Variants in ERBB4 observed in about 807,000 individuals in gnomAD.
The protein encoded by ERBB4 is erb-b2 receptor tyrosine kinase 4.
ERBB4 carries 42 observed loss-of-function variants against 158.0 expected under a neutral mutation model. The observed-to-expected ratio is 0.27, with a 90% confidence interval of 0.21 to 0.34. The LOEUF is 0.34. Among genes scored for constraint, ERBB4 ranks in the 10% least tolerant of loss-of-function variants. ERBB4 has a pLI of 1.00. For missense variants in ERBB4, 1,333 were observed against 1,624.1 expected, an observed-to-expected ratio of 0.82 and a Z score of 3.08; for synonymous variants, 583 against 558.7, an observed-to-expected ratio of 1.04 and a Z score of -0.61.
At chr2:212,280,831 C>G (rs1363899319) in intron 1 of ERBB4, among the ~76,000 whole-genome samples, 1 of 151,560 alleles carries the variant, frequency 6.6e-6, no homozygotes, top group African/African-American at 2.4e-5. Context: ...CAGGAGGACC[C>G]TAGAGATGTT....
intron 11 of ERBB4, among the ~76,000 whole-genome samples, chr2:211,703,687 C>T (rs2106043044): frequency 6.6e-6 from 1 of 152,200 alleles, no homozygotes; most frequent in East Asian, 1.9e-4. Context: ...AAAACATCAG[C>T]CCTGTGACGT....
intron 3 of ERBB4, among the ~76,000 whole-genome samples, chr2:211,860,902 A>T (rs2077993007): frequency 7.3e-6 from 1 of 137,638 alleles, no homozygotes. Context: ...CAACTCAAAA[A>T]GAATTAGGAA....
chr2:212,516,820 T>C (rs946168231), intron 1 of ERBB4, among the ~76,000 whole-genome samples: 1 of 152,144 alleles, frequency 6.6e-6, no homozygotes, highest in Non-Finnish European at 1.5e-5. Flanking sequence ...TCTTGGTCTT[T>C]GTCTTTGTAC....
chr2:212,438,110 C>G (rs1435798882), intron 1 of ERBB4, among the ~76,000 whole-genome samples: 2 of 151,844 alleles, frequency 1.3e-5, no homozygotes, highest in Non-Finnish European at 2.9e-5. Flanking sequence ...TGTTTCTAGA[C>G]TAGTGCTCAT....
chr2:211,509,057 A>G (rs2065824520), intron 20 of ERBB4, among the ~76,000 whole-genome samples: 1 of 152,172 alleles, frequency 6.6e-6, no homozygotes, highest in African/African-American at 2.4e-5. Flanking sequence ...GCTGGAAGCC[A>G]TCACTCTCAG....
At chr2:211,386,131 C>T (rs138379406) in intron 27 of ERBB4, among the ~76,000 whole-genome samples, 54 of 152,264 alleles carry the variant, frequency 3.5e-4, no homozygotes, top group African/African-American at 1.3e-3. Context: ...TAACAATCAT[C>T]TATCTTCTCT....
At chr2:212,408,894 T>G (rs984108174) in intron 1 of ERBB4, among the ~76,000 whole-genome samples, 2 of 152,172 alleles carry the variant, frequency 1.3e-5, no homozygotes, top group Non-Finnish European at 2.9e-5. Context: ...AAAACATTAT[T>G]TCAAGTGATC....
chr2:212,432,017 T>G (rs2092040900), intron 1 of ERBB4, among the ~76,000 whole-genome samples: 3 of 152,236 alleles, frequency 2.0e-5, no homozygotes, highest in African/African-American at 7.2e-5. Context: ...GATTTTTCAC[T>G]ACTTTGTCCA....
At chr2:212,054,285 G>A (rs2077487144) in intron 2 of ERBB4, among the ~76,000 whole-genome samples, 1 of 152,196 alleles carries the variant, frequency 6.6e-6, no homozygotes, top group Admixed American at 6.5e-5. Flanking sequence ...GGTGGAAACA[G>A]CCTGCCTTCT....
chr2:211,418,684 T>G (rs1307134234), intron 25 of ERBB4, among the ~76,000 whole-genome samples: 1 of 151,750 alleles, frequency 6.6e-6, no homozygotes, highest in Non-Finnish European at 1.5e-5. Flanking sequence ...GAAAAACTAT[T>G]TTTTTTTAAA....
chr2:211,889,686 A>G (rs1381013732), intron 3 of ERBB4, among the ~76,000 whole-genome samples: 2 of 145,188 alleles, frequency 1.4e-5, no homozygotes, highest in African/African-American at 5.3e-5. Flanking sequence ...TATAACTAGA[A>G]TAACCAATAC....
chr2:212,511,258 TCCCTATTAGGCTTCCAAAGGAAA>T (rs1391423061), intron 1 of ERBB4, among the ~76,000 whole-genome samples: 2 of 152,144 alleles, frequency 1.3e-5, no homozygotes, highest in Non-Finnish European at 2.9e-5. Flanking sequence ...TGATGAGCAT[TCCCTATTAGGCTTCCAAAGGAAA>T]CATTTTGTGG....
At chr2:211,559,746 G>C (rs547890213) in intron 20 of ERBB4, among the ~76,000 whole-genome samples, 1 of 152,024 alleles carries the variant, frequency 6.6e-6, no homozygotes, top group African/African-American at 2.4e-5. Context: ...AACCAGGCTC[G>C]TATCTGCATT....
At chr2:212,111,132 C>T (rs905258236) in intron 2 of ERBB4, among the ~76,000 whole-genome samples, 13 of 152,168 alleles carry the variant, frequency 8.5e-5, no homozygotes, top group Non-Finnish European at 1.2e-4. Flanking sequence ...ACTGCCTGGA[C>T]GACACATCTG....
intron 2 of ERBB4, among the ~76,000 whole-genome samples, chr2:212,052,372 G>T (rs1318478211): frequency 2.0e-5 from 3 of 152,080 alleles, no homozygotes; most frequent in Non-Finnish European, 4.4e-5. Flanking sequence ...TGGCTTCCTT[G>T]CTCCTCAGCT....
chr2:212,297,896 A>G (rs972568782), intron 1 of ERBB4, among the ~76,000 whole-genome samples: 11 of 151,694 alleles, frequency 7.3e-5, no homozygotes, highest in African/African-American at 2.7e-4. Flanking sequence ...TGCAAATTCA[A>G]TGTAAAAATA....
At chr2:211,549,931 G>A (rs893848954) in intron 20 of ERBB4, among the ~76,000 whole-genome samples, 1 of 152,202 alleles carries the variant, frequency 6.6e-6, no homozygotes, top group Non-Finnish European at 1.5e-5. Context: ...AAAGAACCCT[G>A]TCGGGACTTC....
intron 17 of ERBB4, among the ~76,000 whole-genome samples, chr2:211,629,017 G>A (rs2069984560): frequency 1.3e-5 from 2 of 152,152 alleles, no homozygotes; most frequent in South Asian, 4.1e-4. Flanking sequence ...TGATGGGGTT[G>A]TTTGTTTTTT....
In ERBB4 at chr2:212,055,381, G is replaced by C. The variant is rs62183404; in HGVS notation, c.234+69371C>G. ...ACTCCACCTCTGGGGGCAGGGCATA[G>C]CCAAAAGGCAGACTTAAATGTCCCT... On this transcript the variant is annotated intron_variant, in intron 2 of 27. Coordinates refer to ENST00000342788, the MANE Select transcript of ERBB4 (RefSeq NM_005235.3). Among the ~76,000 whole-genome samples, 228 of 151,978 alleles carry C rather than the reference G, an allele frequency of 1.5e-3. 1 individual carries two copies. The highest frequency in any genetic ancestry group is 2.9e-3 in the Non-Finnish European group (197 of 67,808).
Sources: gnomAD v4.1 joint callset for allele counts (sites outside exome capture counted in the v4.1 genomes callset) on GRCh38, gnomAD v4.1.1 for gene constraint, MANE v1.5 for transcripts, NCBI Gene and HGNC (gene_info 2026-07-23, HGNC 2026-07-21) for gene names.